Variants in ADK observed in about 807,000 individuals in gnomAD.
ADK encodes the protein N6,N6-dimethyladenosine kinase.
ADK carries 24 observed loss-of-function variants against 44.7 expected under a neutral mutation model. That is an observed-to-expected ratio of 0.54 (90% CI 0.39 to 0.76). The LOEUF is 0.76. Among genes scored for constraint, ADK ranks in the 30% least tolerant of loss-of-function variants. The pLI is 0.00. For missense variants in ADK, 321 were observed against 425.1 expected, an observed-to-expected ratio of 0.76 and a Z score of 2.15; for synonymous variants, 128 against 142.6, an observed-to-expected ratio of 0.90 and a Z score of 0.73.
At chr10:74,530,475 C>T (rs1849237484) in intron 7 of ADK, 1 of 152,114 alleles carries the variant, frequency 6.6e-6, no homozygotes, top group Non-Finnish European at 1.5e-5. Flanking sequence ...TTTAAAACTT[C>T]TGATAGCCTC....
chr10:74,595,704 AGGCT>A (rs1851895270), intron 8 of ADK, among the ~76,000 whole-genome samples: 2 of 122,928 alleles, frequency 1.6e-5, no homozygotes, highest in South Asian at 3.2e-4. Context: ...TTAAAAAAAT[AGGCT>A]ATATGGCCGG....
At chr10:74,321,082 C>T (rs568500861) in intron 4 of ADK, among the ~76,000 whole-genome samples, 7 of 152,104 alleles carry the variant, frequency 4.6e-5, no homozygotes, top group East Asian at 1.9e-4. Flanking sequence ...GTTGTAAGTT[C>T]GCTTGTTTTT....
At chr10:74,639,823 G>A (rs1464614027) in intron 9 of ADK, among the ~76,000 whole-genome samples, 4 of 151,836 alleles carry the variant, frequency 2.6e-5, no homozygotes, top group South Asian at 4.2e-4. Flanking sequence ...GTGACAGAGC[G>A]AGCAAGAGCA....
At chr10:74,673,538 C>T (rs1474232389) in intron 10 of ADK, among the ~76,000 whole-genome samples, 2 of 152,196 alleles carry the variant, frequency 1.3e-5, no homozygotes, top group African/African-American at 4.8e-5. Flanking sequence ...AGAGCGAACT[C>T]CATACCAGAC....
intron 10 of ADK, among the ~76,000 whole-genome samples, chr10:74,671,400 G>A (rs1341048531): frequency 2.0e-5 from 3 of 152,034 alleles, no homozygotes; most frequent in Non-Finnish European, 4.4e-5. Context: ...GTTTCGCCAT[G>A]TTGGGCAGGC....
At chr10:74,556,231 A>T (rs1850242051) in intron 7 of ADK, among the ~76,000 whole-genome samples, 1 of 152,202 alleles carries the variant, frequency 6.6e-6, no homozygotes, top group African/African-American at 2.4e-5. Context: ...ACTGAAATGT[A>T]GTTACCATAG....
At chr10:74,290,072 T>G (rs951139738) in intron 3 of ADK, among the ~76,000 whole-genome samples, 6 of 86,134 alleles carry the variant, frequency 7.0e-5, no homozygotes, top group Admixed American at 2.6e-4. Flanking sequence ...ACTAAACTAC[T>G]CACGCGCACA....
Position 74,708,488 on chromosome 10 carries a change from C to T in ADK, c.*43C>T. ...CAAGCCCAGGAGTGCAGACACTGCCCTAATTGCTTCCTGAGAATTCCCATA... is the reference window on the plus strand; with the variant it reads ...CAAGCCCAGGAGTGCAGACACTGCCTTAATTGCTTCCTGAGAATTCCCATA... On this transcript the variant is annotated 3_prime_UTR_variant, in exon 11 of 11. Coordinates refer to ENST00000539909, the MANE Select transcript of ADK (RefSeq NM_006721.4). The T allele has an allele frequency of 6.2e-7, 1 of 1,600,506 alleles. No homozygotes were observed.
At chr10:74,601,684 A>G (rs1852125291) in intron 9 of ADK, among the ~76,000 whole-genome samples, 2 of 152,160 alleles carry the variant, frequency 1.3e-5, no homozygotes, top group South Asian at 4.1e-4. Context: ...AAAACTTTAA[A>G]AAAAGAAAGA....
At chr10:74,336,027 T>A (rs1841398528) in intron 4 of ADK, among the ~76,000 whole-genome samples, 1 of 152,204 alleles carries the variant, frequency 6.6e-6, no homozygotes, top group Non-Finnish European at 1.5e-5. Flanking sequence ...TCTTACAAAT[T>A]TATGTACTTT....
intron 9 of ADK, among the ~76,000 whole-genome samples, chr10:74,612,210 GATT>G (rs1455032061): frequency 6.6e-6 from 1 of 152,050 alleles, no homozygotes; most frequent in Non-Finnish European, 1.5e-5. Flanking sequence ...GCATTTCTCT[GATT>G]ATTAGTGATG....
chr10:74,364,724 G>A (rs946367478), intron 4 of ADK, among the ~76,000 whole-genome samples: 3 of 147,512 alleles, frequency 2.0e-5, no homozygotes, highest in African/African-American at 7.5e-5. Context: ...GTGTGTGTGT[G>A]TGTGTGTGTG....
At chr10:74,663,234 C>CAAA (rs199865584) in intron 9 of ADK, among the ~76,000 whole-genome samples, 87 of 129,290 alleles carry the variant, frequency 6.7e-4, no homozygotes, top group African/African-American at 2.1e-3. Flanking sequence ...GATGCTATCT[C>CAAA]AAAAAAAAAA....
chr10:74,434,055 C>G (rs1845099118), intron 6 of ADK, among the ~76,000 whole-genome samples: 1 of 152,116 alleles, frequency 6.6e-6, no homozygotes, highest in African/African-American at 2.4e-5. Flanking sequence ...TACCCTTTTA[C>G]ATGACTTGAG....
At chr10:74,598,441 C>CTTTTTTTTTTTTTTT (rs915433699) in intron 8 of ADK, among the ~76,000 whole-genome samples, 1 of 111,772 alleles carries the variant, frequency 8.9e-6, no homozygotes, top group Non-Finnish European at 1.8e-5. Context: ...AATCTTATTC[C>CTTTTTTTTTTTTTTT]TTTTTTTTTT....
At chr10:74,620,201 C>G (rs1429653806) in intron 9 of ADK, among the ~76,000 whole-genome samples, 1 of 152,190 alleles carries the variant, frequency 6.6e-6, no homozygotes, top group Non-Finnish European at 1.5e-5. Flanking sequence ...CTGTAGAACA[C>G]TAGAATTTAT....
intron 1 of ADK, among the ~76,000 whole-genome samples, chr10:74,161,023 G>A (rs193214921): frequency 6.6e-6 from 1 of 152,236 alleles, no homozygotes; most frequent in East Asian, 1.9e-4. Flanking sequence ...ACCTAGAAAT[G>A]GTTTCTCCTT....
intron 3 of ADK, among the ~76,000 whole-genome samples, chr10:74,249,774 G>C (rs180760525): frequency 1.8e-4 from 28 of 152,096 alleles, no homozygotes; most frequent in African/African-American, 6.8e-4. Context: ...GGGTTTTCCC[G>C]TTATCCTGTC....
intron 1 of ADK, among the ~76,000 whole-genome samples, chr10:74,179,050 TTTC>T (rs1012537971): frequency 1.3e-5 from 2 of 152,234 alleles, no homozygotes; most frequent in Non-Finnish European, 2.9e-5. Flanking sequence ...ACTCTTTTGC[TTTC>T]TTCTTATCCT....
Sources: gnomAD v4.1 joint callset for allele counts (sites outside exome capture counted in the v4.1 genomes callset) on GRCh38, gnomAD v4.1.1 for gene constraint, MANE v1.5 for transcripts, NCBI Gene and HGNC (gene_info 2026-07-23, HGNC 2026-07-21) for gene names.